SCG5: variants seen among roughly 807,000 people sequenced by gnomAD.
SCG5 encodes the protein neuroendocrine protein 7B2.
SCG5 carries 18 observed loss-of-function variants against 25.7 expected under a neutral mutation model. The observed-to-expected ratio is 0.70, with a 90% CI of 0.48 to 1.04. SCG5 has a LOEUF of 1.04. SCG5 is among the 50% of genes least tolerant of loss of function. SCG5 has a pLI of 0.00. For synonymous variants in SCG5, 101 were observed against 91.7 expected (o/e 1.10, Z -0.58); for missense variants, 206 against 259.8 (o/e 0.79, Z 1.42).
intron 2 of SCG5, among the ~76,000 whole-genome samples, chr15:32,658,623 C>T (rs2054164290): frequency 6.6e-6 from 1 of 152,186 alleles, no homozygotes; most frequent in African/African-American, 2.4e-5. Flanking sequence ...GCCCTAAGCT[C>T]ACCTGAGAAG....
Position 32,696,498 on chromosome 15 carries a change from T to C in SCG5, c.544-16T>C. The C allele has an allele frequency of 2.5e-6, 4 of 1,569,276 alleles. No homozygotes were observed. The highest frequency in any genetic ancestry group is 3.5e-6 in the Non-Finnish European group (4 of 1,141,806). ...ATAACACCAAACCACATGGTTTTTG[T>C]TTGTTTGTTTTTCAGAGTGTCAATC... On this transcript the variant is annotated splice_polypyrimidine_tract_variant and intron_variant, in intron 5 of 5. Transcript: ENST00000300175.
At chr15:32,676,517 G>T (rs958575477) in intron 2 of SCG5, among the ~76,000 whole-genome samples, 1 of 152,142 alleles carries the variant, frequency 6.6e-6, no homozygotes, top group African/African-American at 2.4e-5. Flanking sequence ...CAAGCACAGT[G>T]GTGTCTATAG....
intron 2 of SCG5, among the ~76,000 whole-genome samples, chr15:32,661,732 C>T (rs1337719238): frequency 1.3e-5 from 2 of 152,062 alleles, no homozygotes; most frequent in Non-Finnish European, 2.9e-5. Flanking sequence ...GTTTTTTCTG[C>T]CATCACACAC....
chr15:32,672,360 C>G (rs1433230037), intron 2 of SCG5, among the ~76,000 whole-genome samples: 1 of 152,238 alleles, frequency 6.6e-6, no homozygotes, highest in East Asian at 1.9e-4. Context: ...GCGAATGGGA[C>G]GATGCTGGCT....
chr15:32,641,951 G>A (rs140285590), intron 1 of SCG5, among the ~76,000 whole-genome samples, 173 bp downstream of exon 1: 2 of 152,280 alleles, frequency 1.3e-5, no homozygotes, highest in Admixed American at 6.5e-5. Flanking sequence ...AGTACTGAGG[G>A]AGGAGATTGT....
chr15:32,690,872 C>T (rs1396475271), intron 4 of SCG5, among the ~76,000 whole-genome samples: 1 of 150,596 alleles, frequency 6.6e-6, no homozygotes, highest in South Asian at 2.1e-4. Flanking sequence ...TTTTATACAT[C>T]ATTTTCCTCC....
At position 32,656,715 on chromosome 15, in the gene SCG5, A is replaced by C. The variant is rs1458213429; in HGVS notation, c.226+12897A>C. Among the ~76,000 whole-genome samples, 3 of 152,232 alleles carry C rather than the reference A, an allele frequency of 2.0e-5. No homozygotes were observed. The East Asian group carries it at 5.8e-4, about 29-fold the overall frequency. On this transcript the variant is annotated intron_variant, in intron 2 of 5. Coordinates refer to ENST00000300175, the MANE Select transcript of SCG5 (RefSeq NM_001144757.3). ...AGAGATGTGCCGCTTCTGGAAGCAA[A>C]TGTTCTGACAAACTGCCTTCTTGGA...
At position 32,691,696 on chromosome 15, in the gene SCG5, T is replaced by C; in HGVS notation, c.490-14T>C. Reference sequence around the variant, plus strand: ...TACTTCTGCATTTTTTGTTTTCTTTTCTCCCCATTCTAGAACAAGAAACTC... The same window carrying C: ...TACTTCTGCATTTTTTGTTTTCTTTCCTCCCCATTCTAGAACAAGAAACTC... On this transcript the variant is annotated splice_polypyrimidine_tract_variant and intron_variant, in intron 4 of 5. Transcript: ENST00000300175. 6.3e-7 allele frequency: 1 copy of C among 1,594,822 alleles called. No homozygotes were observed. Among genetic ancestry groups the C allele is most frequent in the Non-Finnish European group, 8.5e-7 (1 of 1,170,900 alleles).
intron 2 of SCG5, among the ~76,000 whole-genome samples, chr15:32,657,211 A>ATATATATG (rs1555433850): frequency 2.0e-5 from 2 of 102,468 alleles, no homozygotes; most frequent in African/African-American, 6.8e-5. Context: ...ATATATATAT[A>ATATATATG]TGTATGTATT....
intron 2 of SCG5, among the ~76,000 whole-genome samples, chr15:32,653,418 C>T (rs2054064873): frequency 6.6e-6 from 1 of 152,204 alleles, no homozygotes; most frequent in African/African-American, 2.4e-5. Context: ...GTGAAATATT[C>T]ACTTCTATAT....
intron 2 of SCG5, among the ~76,000 whole-genome samples, chr15:32,675,091 C>T (rs1029996410): frequency 7.2e-5 from 11 of 152,078 alleles, no homozygotes; most frequent in South Asian, 4.1e-4. Context: ...TTTATATAAA[C>T]GCAACTGGGC....
intron 3 of SCG5, among the ~76,000 whole-genome samples, chr15:32,681,263 G>A (rs1253772103): frequency 6.6e-6 from 1 of 151,992 alleles, no homozygotes; most frequent in African/African-American, 2.4e-5. Context: ...AGGAAAAACT[G>A]CAATACTTTT....
intron 4 of SCG5, among the ~76,000 whole-genome samples, chr15:32,691,121 C>T (rs769894059): frequency 1.3e-5 from 2 of 152,126 alleles, no homozygotes; most frequent in Non-Finnish European, 2.9e-5. Context: ...CCCTGCCCCC[C>T]GACCCAACAT....
chr15:32,683,257 C>A (rs2054649718), intron 3 of SCG5, among the ~76,000 whole-genome samples: 1 of 152,076 alleles, frequency 6.6e-6, no homozygotes, highest in South Asian at 2.1e-4. Context: ...AAATGGCCCC[C>A]CTTTCAGCAT....
rs1205684514 is a variant in SCG5 at position 32,643,614 on chromosome 15, A to C, written c.22A>C (p.Thr8Pro). The change falls in exon 2 of 6, where the codon ACC (threonine) becomes CCC (proline). Residue 8 changes from threonine (T) to proline (P), a missense_variant. Thr to Pro is a conservative substitution (Grantham distance 38). Coordinates refer to ENST00000300175, the MANE Select transcript of SCG5 (RefSeq NM_001144757.3). Reference protein sequence around the residue: MVSRMVSTMLSGLLFWLA... With the variant: MVSRMVSPMLSGLLFWLA... ...GACAATGGTCTCCAGGATGGTCTCT[A>C]CCATGCTATCTGGCCTACTGTTTTG... 1 of 1,613,938 alleles carries C rather than the reference A, an allele frequency of 6.2e-7. No homozygotes were observed. The highest frequency in any genetic ancestry group is 8.5e-7 in the Non-Finnish European group (1 of 1,179,882).
intron 2 of SCG5, among the ~76,000 whole-genome samples, chr15:32,677,963 A>T (rs531258516): frequency 6.6e-6 from 1 of 152,350 alleles, no homozygotes; most frequent in South Asian, 2.1e-4. Context: ...TATGTATGAG[A>T]CACTTAAGTA....
intron 5 of SCG5, chr15:32,692,174 G>A: frequency 9.8e-7 from 1 of 1,024,060 alleles, no homozygotes; most frequent in Non-Finnish European, 1.2e-6. Context: ...GGGAAGTGCT[G>A]AACTGCATGC....
chr15:32,663,553 G>C (rs1035499078), intron 2 of SCG5, among the ~76,000 whole-genome samples: 1 of 152,142 alleles, frequency 6.6e-6, no homozygotes, highest in Non-Finnish European at 1.5e-5. Context: ...GGCTAGGACA[G>C]AGAAAACTAC....
intron 4 of SCG5, among the ~76,000 whole-genome samples, chr15:32,688,519 A>G (rs1326378289): frequency 6.6e-6 from 1 of 152,116 alleles, no homozygotes; most frequent in African/African-American, 2.4e-5. Context: ...TCAGGTTTCC[A>G]TGTGATTAGA....
Sources: gnomAD v4.1 joint callset for allele counts (sites outside exome capture counted in the v4.1 genomes callset) on GRCh38, gnomAD v4.1.1 for gene constraint, MANE v1.5 for transcripts, NCBI Gene and HGNC (gene_info 2026-07-23, HGNC 2026-07-21) for gene names.